Variants in RPS6KC1 observed in about 807,000 individuals in gnomAD.
The protein encoded by RPS6KC1 is inactive ribosomal protein S6 kinase delta-1.
Under a neutral mutation model 103.8 loss-of-function variants are expected in RPS6KC1, and 54 were observed. The ratio of observed to expected loss-of-function variants is 0.52; its 90% CI spans 0.42 to 0.65. The LOEUF (loss-of-function observed/expected upper bound fraction) is 0.65. Ranked by LOEUF, RPS6KC1 falls within the 30% of genes least tolerant of loss-of-function variation. The probability of loss-of-function intolerance (pLI) is 0.00; values close to 1 mark genes in which losing one functional copy is unlikely to be tolerated. For synonymous variants in RPS6KC1, 439 were observed against 438.7 expected, an observed-to-expected ratio of 1.00 and a Z score of -0.01; for missense variants, 1,151 against 1,253.8, an observed-to-expected ratio of 0.92 and a Z score of 1.24.
the RPS6KC1 span, among the ~76,000 whole-genome samples, chr1:213,338,262 A>G: frequency 1.3e-5 from 2 of 152,176 alleles, no homozygotes; most frequent in Admixed American, 6.5e-5. Flanking sequence ...TTATGTGATT[A>G]TCTCACTACA....
the RPS6KC1 span, among the ~76,000 whole-genome samples, chr1:213,386,526 G>A: frequency 6.6e-6 from 1 of 152,224 alleles, no homozygotes; most frequent in South Asian, 2.1e-4. Context: ...ATCGCAGTGG[G>A]GCTGGCTGTC....
chr1:213,490,060 G>T, the RPS6KC1 span, among the ~76,000 whole-genome samples: 1 of 152,186 alleles, frequency 6.6e-6, no homozygotes, highest in Non-Finnish European at 1.5e-5. Flanking sequence ...AAAGACTGCA[G>T]TTAGTCTCTT....
chr1:213,519,388 G>A, the RPS6KC1 span, among the ~76,000 whole-genome samples: 6 of 152,302 alleles, frequency 3.9e-5, no homozygotes, highest in South Asian at 2.1e-4. Flanking sequence ...GTAGCCATAC[G>A]TTTTGCAGAA....
At chr1:213,657,476 T>C in the RPS6KC1 span, among the ~76,000 whole-genome samples, 1 of 152,162 alleles carries the variant, frequency 6.6e-6, no homozygotes, top group Non-Finnish European at 1.5e-5. Context: ...TTTTTTTGCC[T>C]TGGAATTCTC....
At chr1:213,218,012 A>C (rs1216779843) in intron 8 of RPS6KC1, among the ~76,000 whole-genome samples, 2 of 152,216 alleles carry the variant, frequency 1.3e-5, no homozygotes, top group Non-Finnish European at 2.9e-5. Context: ...ATTGTTGAAT[A>C]GTTCTGGCCA....
At chr1:213,214,726 G>A (rs1036064310) in intron 8 of RPS6KC1, among the ~76,000 whole-genome samples, 6 of 152,106 alleles carry the variant, frequency 3.9e-5, no homozygotes, top group East Asian at 1.9e-4. Flanking sequence ...AGCAATATTC[G>A]CTGTTCTGCA....
intron 8 of RPS6KC1, among the ~76,000 whole-genome samples, chr1:213,220,866 C>T (rs1049404956): frequency 6.6e-6 from 1 of 152,116 alleles, no homozygotes; most frequent in African/African-American, 2.4e-5. Flanking sequence ...AAAGACACCA[C>T]AGTATTTTGT....
chr1:213,627,041 A>G, the RPS6KC1 span, among the ~76,000 whole-genome samples: 2 of 152,170 alleles, frequency 1.3e-5, no homozygotes, highest in Non-Finnish European at 2.9e-5. Context: ...CACGATACTG[A>G]TTCTTCCTAC....
chr1:213,491,905 G>A, the RPS6KC1 span, among the ~76,000 whole-genome samples: 3 of 152,138 alleles, frequency 2.0e-5, no homozygotes, highest in Non-Finnish European at 2.9e-5. Flanking sequence ...GGTTGTCAGG[G>A]GGAAGGTGTT....
At chr1:213,586,574 T>C in the RPS6KC1 span, among the ~76,000 whole-genome samples, 1 of 152,190 alleles carries the variant, frequency 6.6e-6, no homozygotes, top group African/African-American at 2.4e-5. Context: ...AGCTGATACT[T>C]TACATTATTA....
At chr1:213,149,570 G>A (rs777801023) in intron 6 of RPS6KC1, among the ~76,000 whole-genome samples, 1 of 152,132 alleles carries the variant, frequency 6.6e-6, no homozygotes, top group Non-Finnish European at 1.5e-5. Flanking sequence ...CTGACATATG[G>A]TCTGTCCTTG....
the RPS6KC1 span, among the ~76,000 whole-genome samples, chr1:213,862,299 A>T: frequency 3.9e-5 from 6 of 152,182 alleles, no homozygotes; most frequent in Non-Finnish European, 2.9e-5. Context: ...AGAAGAATAG[A>T]ATCCTTCCAG....
chr1:213,702,851 T>TTTTTG, the RPS6KC1 span, among the ~76,000 whole-genome samples: 11,532 of 151,324 alleles, frequency 0.076, 586 homozygotes, highest in African/African-American at 0.14. Flanking sequence ...TTGAGGTTTT[T>TTTTTG]TTTGTTTGTT....
At chr1:213,327,690 A>C in the RPS6KC1 span, among the ~76,000 whole-genome samples, 1 of 152,192 alleles carries the variant, frequency 6.6e-6, no homozygotes, top group Non-Finnish European at 1.5e-5. Context: ...AGAAATTGGG[A>C]AATAAATTAT....
the RPS6KC1 span, among the ~76,000 whole-genome samples, chr1:213,345,705 C>T: frequency 9.9e-5 from 15 of 152,176 alleles, no homozygotes; most frequent in Non-Finnish European, 2.9e-5. Context: ...GCCCTGAACT[C>T]CAATTTTATT....
At chr1:213,448,659 C>T in the RPS6KC1 span, among the ~76,000 whole-genome samples, 2 of 151,842 alleles carry the variant, frequency 1.3e-5, no homozygotes, top group Non-Finnish European at 2.9e-5. Context: ...TCTTGAGACC[C>T]TGTGTGAAGC....
chr1:213,141,594 C>T (rs1460880161), intron 6 of RPS6KC1, among the ~76,000 whole-genome samples: 3 of 151,782 alleles, frequency 2.0e-5, no homozygotes, highest in East Asian at 1.9e-4. Context: ...TTAAAAAAGT[C>T]GTTTGTATGG....
chr1:213,425,314 C>T, the RPS6KC1 span, among the ~76,000 whole-genome samples: 2 of 152,080 alleles, frequency 1.3e-5, no homozygotes, highest in East Asian at 3.8e-4. Flanking sequence ...CATCGGACAC[C>T]AAATATTCTC....
intron 2 of RPS6KC1, chr1:213,073,028 G>C (rs1329529204): frequency 2.6e-6 from 1 of 391,192 alleles, no homozygotes; most frequent in Non-Finnish European, 3.5e-6. Context: ...TTCTTTGTTA[G>C]AAGTGGTATA....
Sources: allele counts gnomAD v4.1 joint callset (sites outside exome capture counted in the v4.1 genomes callset), GRCh38; gene constraint gnomAD v4.1.1; transcripts MANE v1.5; gene names NCBI Gene and HGNC (gene_info 2026-07-23, HGNC 2026-07-21).